The following ASB3 variants were observed in gnomAD, a reference collection of about 807,000 sequenced individuals.
ASB3 encodes the protein ankyrin repeat and SOCS box containing 3, also known as ankyrin repeat and SOCS box protein 3.
Under a neutral mutation model 54.5 loss-of-function variants are expected in ASB3, and 41 were observed. The ratio of observed to expected loss-of-function variants is 0.75; its 90% CI spans 0.59 to 0.98. The LOEUF (loss-of-function observed/expected upper bound fraction) is 0.98. Among genes scored for constraint, ASB3 ranks in the 50% least tolerant of loss-of-function variants. The probability of loss-of-function intolerance (pLI) is 0.00; values close to 1 mark genes in which losing one functional copy is unlikely to be tolerated. For synonymous variants in ASB3, 266 were observed against 221.2 expected (o/e 1.20, Z -1.80); for missense variants, 733 against 620.0 (o/e 1.18, Z -1.94).
Position 53,731,713 on chromosome 2 carries a change from C to T in ASB3, c.356-2143G>A, listed in dbSNP as rs192469699. 3.0e-3 allele frequency among the ~76,000 whole-genome samples: 455 copies of T among 152,260 alleles called. 1 individual carries two copies. The highest frequency in any genetic ancestry group is 0.011 in the African/African-American group (440 of 41,558). On this transcript the variant is annotated intron_variant, in intron 3 of 9. Coordinates refer to ENST00000263634, the MANE Select transcript of ASB3 (RefSeq NM_016115.5). ...TGTCGCCCAGGCTGGAATGCAATGG[C>T]GTGATCTCAGCTCACTACAACCTCT...
chr2:53,718,242 G>A (rs1368714144), intron 5 of ASB3, among the ~76,000 whole-genome samples: 1 of 151,914 alleles, frequency 6.6e-6, no homozygotes, highest in Non-Finnish European at 1.5e-5. Flanking sequence ...GACTGTTGAA[G>A]GTTAACACTA....
intron 8 of ASB3, among the ~76,000 whole-genome samples, chr2:53,698,393 C>A (rs1354299604): frequency 1.3e-5 from 2 of 152,174 alleles, no homozygotes; most frequent in African/African-American, 2.4e-5. Flanking sequence ...CTCTTTCATT[C>A]TTTTCCACAC....
At chr2:53,683,870 G>A (rs183612990) in intron 9 of ASB3, among the ~76,000 whole-genome samples, 46 of 151,958 alleles carry the variant, frequency 3.0e-4, no homozygotes, top group African/African-American at 8.4e-4. Flanking sequence ...CTAAATGTTC[G>A]TTAGTTTTGT....
chr2:53,686,940 G>A (rs1232907294), intron 9 of ASB3, among the ~76,000 whole-genome samples: 1 of 152,064 alleles, frequency 6.6e-6, no homozygotes, highest in Non-Finnish European at 1.5e-5. Context: ...GGCTGGTCTC[G>A]AACTCCCAAC....
intron 1 of ASB3, among the ~76,000 whole-genome samples, chr2:53,783,767 G>C (rs916322997): frequency 6.6e-6 from 1 of 152,106 alleles, no homozygotes; most frequent in African/African-American, 2.4e-5. Context: ...GAGCAGGCAA[G>C]GTAAAGGCAT....
intron 9 of ASB3, among the ~76,000 whole-genome samples, chr2:53,687,022 T>C (rs1229634744): frequency 6.6e-6 from 1 of 152,156 alleles, no homozygotes; most frequent in Non-Finnish European, 1.5e-5. Flanking sequence ...GCCTGGCCAA[T>C]TGCTCCTTTC....
chr2:53,786,881 G>C lies in ASB3; in HGVS notation c.-74C>G, dbSNP rs959565623. 3 of 296,648 alleles carry C rather than the reference G, an allele frequency of 1.0e-5. No homozygotes were observed. Among genetic ancestry groups the C allele is most frequent in the South Asian group, 8.1e-5 (1 of 12,322 alleles). 18.4% of individuals were successfully genotyped at this position (296,648 alleles called of 1,614,324 possible). On this transcript the variant is annotated 5_prime_UTR_variant, in exon 1 of 10. Transcript: ENST00000263634. The stretch of plus-strand genomic sequence containing the variant: ...TCCGAGGCCGCGTCTCCAGAGCTGC[G>C]TCCCAGAAGCCCCCGCTTTCGATCC...
At chr2:53,773,803 G>C (rs1443974971) in intron 1 of ASB3, among the ~76,000 whole-genome samples, 1 of 152,002 alleles carries the variant, frequency 6.6e-6, no homozygotes, top group East Asian at 2.0e-4. Flanking sequence ...GGGAGGCCGA[G>C]GCAGGTGGAT....
At chr2:53,711,086 A>G (rs1670069423) in intron 7 of ASB3, among the ~76,000 whole-genome samples, 1 of 152,202 alleles carries the variant, frequency 6.6e-6, no homozygotes, top group African/African-American at 2.4e-5. Flanking sequence ...AGTCATGATC[A>G]TATCACTGCA....
chr2:53,671,353 C>CGTGTGTGTGTGTGTGTGTGTGT (rs142473697), intron 9 of ASB3, among the ~76,000 whole-genome samples: 1 of 142,512 alleles, frequency 7.0e-6, no homozygotes, highest in African/African-American at 2.6e-5. Flanking sequence ...GAACCCAAAG[C>CGTGTGTGTGTGTGTGTGTGTGT]GTGTGTGTGT....
At chr2:53,730,825 T>C (rs1553376702) in intron 3 of ASB3, among the ~76,000 whole-genome samples, 1 of 152,162 alleles carries the variant, frequency 6.6e-6, no homozygotes, top group Non-Finnish European at 1.5e-5. Flanking sequence ...ATTTCAATCA[T>C]ACAGTTATTC....
chr2:53,690,182 G>A (rs1158302672), intron 9 of ASB3, among the ~76,000 whole-genome samples: 1 of 152,056 alleles, frequency 6.6e-6, no homozygotes, highest in Non-Finnish European at 1.5e-5. Flanking sequence ...GCTGCAGTGA[G>A]CCATGATCAT....
At chr2:53,774,097 T>C (rs559346880) in intron 1 of ASB3, 1 of 1,523,786 alleles carries the variant, frequency 6.6e-7, no homozygotes, top group Non-Finnish European at 8.8e-7. Context: ...TCACCTATTT[T>C]AATTAGCCTT....
chr2:53,688,638 T>C (rs1424994318), intron 9 of ASB3, among the ~76,000 whole-genome samples: 1 of 152,166 alleles, frequency 6.6e-6, no homozygotes, highest in Non-Finnish European at 1.5e-5. Flanking sequence ...AAGTAACTTC[T>C]CCATAGCTAG....
chr2:53,694,079 A>G, intron 8 of ASB3, 65 bp from the exon 9 acceptor site: 2 of 1,575,206 alleles, frequency 1.3e-6, no homozygotes, highest in Non-Finnish European at 8.7e-7. Context: ...TACTTGAAAC[A>G]AACACCACAT....
chr2:53,685,633 T>C (rs746534553), intron 9 of ASB3, among the ~76,000 whole-genome samples: 17 of 152,236 alleles, frequency 1.1e-4, no homozygotes, highest in South Asian at 2.1e-4. Context: ...ATGGAAAGAC[T>C]ACCTTATAAA....
chr2:53,722,752 T>C (rs1435023258), intron 5 of ASB3, among the ~76,000 whole-genome samples: 1 of 152,110 alleles, frequency 6.6e-6, no homozygotes, highest in Non-Finnish European at 1.5e-5. Context: ...AGGCAAAAGC[T>C]GGAAGCATTC....
chr2:53,732,172 T>G (rs900612019), intron 3 of ASB3, among the ~76,000 whole-genome samples: 3 of 151,744 alleles, frequency 2.0e-5, no homozygotes, highest in Non-Finnish European at 4.4e-5. Flanking sequence ...TTGGCCAAGC[T>G]GGTCTCCAAC....
intron 7 of ASB3, 132 bp downstream of exon 7, chr2:53,714,252 C>G: frequency 2.6e-6 from 3 of 1,134,338 alleles, no homozygotes; most frequent in East Asian, 2.6e-5. Context: ...AGTTTTTTTC[C>G]TATTTGTGTT....
Sources: gnomAD v4.1 joint callset for allele counts (sites outside exome capture counted in the v4.1 genomes callset) on GRCh38, gnomAD v4.1.1 for gene constraint, MANE v1.5 for transcripts, NCBI Gene and HGNC (gene_info 2026-07-23, HGNC 2026-07-21) for gene names.